The following IGDCC4 variants were observed in gnomAD, a reference collection of about 807,000 sequenced individuals.
The protein encoded by IGDCC4 is immunoglobulin superfamily DCC subclass member 4.
A neutral mutation model predicts 116.6 loss-of-function variants in IGDCC4; 72 were observed. That is an observed-to-expected ratio of 0.62 (90% confidence interval 0.51 to 0.75). The LOEUF (loss-of-function observed/expected upper bound fraction) is 0.75. Among genes scored for constraint, IGDCC4 ranks in the 30% least tolerant of loss-of-function variants. IGDCC4 has a pLI of 0.00. For synonymous variants in IGDCC4, 709 were observed against 719.9 expected, an observed-to-expected ratio of 0.98 and a Z score of 0.24; for missense variants, 1,501 against 1,662.4, an observed-to-expected ratio of 0.90 and a Z score of 1.69.
Position 65,402,503 on chromosome 15 carries a change from G to A in IGDCC4, c.564-16C>T, listed in dbSNP as rs2062997982. On this transcript the variant is annotated splice_polypyrimidine_tract_variant and intron_variant, in intron 3 of 19. Coordinates refer to ENST00000352385, the MANE Select transcript of IGDCC4 (RefSeq NM_020962.3). ...CACGATGAGCCTTGGGAAGAGGGGA[G>A]CAGGCAACTGTGAGGTGGGCAGGGG... 1.3e-6 allele frequency: 2 copies of A among 1,563,046 alleles called. No homozygotes were observed. Among genetic ancestry groups the A allele is most frequent in the Admixed American group, 1.9e-5 (1 of 51,662 alleles).
At position 65,383,095 on chromosome 15, in the gene IGDCC4, G is replaced by A. The variant is rs2091416558; in HGVS notation, c.*914C>T. The A allele has an allele frequency of 6.5e-6, 1 of 153,004 alleles. No homozygotes were observed. Among genetic ancestry groups the A allele is most frequent in the South Asian group, 2.1e-4 (1 of 4,848 alleles). The allele number at this position is 153,004 out of a possible 1,614,324, so 9.5% of individuals were successfully genotyped here. A position where few individuals can be genotyped will look rare whatever the true frequency, so the allele number is the denominator to read the frequency against. ...GCACTGAGTGAAGAGGAGGCAGGAG[G>A]ATGGCAGGCGAGTGCGCGGCAGCCG... On this transcript the variant is annotated 3_prime_UTR_variant, in exon 20 of 20. Coordinates refer to ENST00000352385, the MANE Select transcript of IGDCC4 (RefSeq NM_020962.3).
chr15:65,404,880 G>A (rs1005767161), intron 3 of IGDCC4, among the ~76,000 whole-genome samples: 7 of 152,098 alleles, frequency 4.6e-5, no homozygotes, highest in Non-Finnish European at 1.0e-4. Context: ...GCAAAACCCA[G>A]TCTCTACAAA....
Position 65,395,136 on chromosome 15 carries a change from T to C in IGDCC4, c.1534A>G (p.Ser512Gly). ...ACCAGTGCTGGGGTGGAGGTGCGGC[T>C]GGCTCCCAGCTGGGAGTAGGCCACC... ...YVVAYSQLGA[S>G]RTSTPALVHT... is the part of the protein sequence containing the mutation. The change falls in exon 8 of 20, where the codon AGC becomes GGC. Residue 512 changes from serine to glycine, a missense_variant. Physicochemically the swap from Ser to Gly is moderately conservative, Grantham distance 56. This residue lies in a region of IGDCC4 where 898 missense variants were observed against 978.9 expected (regional missense o/e 0.92). Coordinates refer to ENST00000352385, the MANE Select transcript of IGDCC4 (RefSeq NM_020962.3). 1 of 1,613,558 alleles carries C rather than the reference T, an allele frequency of 6.2e-7. No homozygotes were observed.
At chr15:65,417,289 C>T (rs1404537384) in intron 1 of IGDCC4, among the ~76,000 whole-genome samples, 1 of 152,118 alleles carries the variant, frequency 6.6e-6, no homozygotes, top group Non-Finnish European at 1.5e-5. Context: ...GGGACAGTTG[C>T]CTGGGACACA....
intron 13 of IGDCC4, 41 bp downstream of exon 13, chr15:65,390,114 C>G: frequency 7.1e-7 from 1 of 1,399,740 alleles, no homozygotes; most frequent in Non-Finnish European, 9.8e-7. Context: ...CCCACCTATT[C>G]TTCCTCCCTT....
In IGDCC4 at chr15:65,384,131, G is replaced by T. The variant is rs1249694326; in HGVS notation, c.3631C>A (p.Pro1211Thr). ...PEAASASCSY[P>T]DLQPGEVLEE... The stretch of plus-strand genomic sequence containing the variant: ...AGCACCTCGCCTGGCTGGAGGTCCG[G>T]GTAGGAGCAGGAAGCACTGGCTGCC... Residue 1211 changes from proline (P) to threonine (T), a missense_variant, in exon 20 of 20, where the codon CCG becomes ACG. This residue lies in a region of IGDCC4 where 368 missense variants were observed against 355.6 expected (regional missense o/e 1.03). Transcript: ENST00000352385. This position sits in a 1 kb window ranked among gnomAD's most constrained non-coding sequence, Gnocchi z 4.9. The T allele has an allele frequency of 6.2e-7, 1 of 1,613,584 alleles. No individual in the cohort carries two copies. Among genetic ancestry groups the T allele is most frequent in the Admixed American group, 1.7e-5 (1 of 59,950 alleles).
In IGDCC4 at chr15:65,393,577, C is replaced by A; in HGVS notation, c.1715-46G>T. 3.9e-6 allele frequency: 6 copies of A among 1,549,914 alleles called. No individual in the cohort carries two copies. Among genetic ancestry groups the A allele is most frequent in the Non-Finnish European group, 5.2e-6 (6 of 1,142,910 alleles). ...GGCTGCTGGGTAGCCACCTGAGGAA[C>A]AGGATCCTAAACCCCCCTACATGGC... On this transcript the variant is annotated intron_variant, in intron 9 of 19. Coordinates refer to ENST00000352385, the MANE Select transcript of IGDCC4 (RefSeq NM_020962.3). This position sits in a 1 kb window ranked among gnomAD's most constrained non-coding sequence, Gnocchi z 4.6.
chr15:65,400,264 T>C (rs2062971217), intron 5 of IGDCC4, among the ~76,000 whole-genome samples: 1 of 152,222 alleles, frequency 6.6e-6, no homozygotes, highest in African/African-American at 2.4e-5. Flanking sequence ...GTGTTTTCTC[T>C]CCCTCACTAG....
Position 65,385,979 on chromosome 15 carries a change from C to A in IGDCC4, c.3032G>T (p.Ser1011Ile). Residue 1011 changes from serine to isoleucine, a missense_variant, in exon 18 of 20, where the codon AGC becomes ATC. Around this residue, in one of 3 missense-constraint regions of IGDCC4, gnomAD observed 368 missense variants for 355.6 expected, o/e 1.03. Coordinates refer to ENST00000352385, the MANE Select transcript of IGDCC4 (RefSeq NM_020962.3). The stretch of plus-strand genomic sequence containing the variant: ...CTCCAATTCATGGGCAGCTGGGGGG[C>A]TGGGGGGGCCAAGCCGAGCTCTGGA... ...LYSRARLGPP[S>I]PPAAHELESL... 6.6e-7 allele frequency: 1 copy of A among 1,520,426 alleles called. No homozygotes were observed. Among genetic ancestry groups the A allele is most frequent in the South Asian group, 1.2e-5 (1 of 84,584 alleles). The allele number at this position is 1,520,426 out of a possible 1,614,324, so 94.2% of individuals were successfully genotyped here.
intron 5 of IGDCC4, among the ~76,000 whole-genome samples, chr15:65,398,480 G>C (rs1156628282): frequency 1.5e-5 from 2 of 131,908 alleles, no homozygotes; most frequent in East Asian, 4.5e-4. Flanking sequence ...GTTGCAGTAA[G>C]CCAAGATCAC....
rs375500867 is a variant in IGDCC4 at position 65,411,117 on chromosome 15, G to A, written c.324C>T (p.Val108=). The part of the protein sequence containing the change: ...PLAPNGSDES[V]PEAVGVIEGN... Reference sequence around the variant, plus strand: ...CTTCAATGACCCCCACAGCCTCAGGGACTGACTCGTCACTGCCATTGGGTG... The same window carrying A: ...CTTCAATGACCCCCACAGCCTCAGGAACTGACTCGTCACTGCCATTGGGTG... The change falls in exon 2 of 20, where the codon GTC becomes GTT. Residue 108 remains valine (V), a synonymous_variant. Coordinates refer to ENST00000352385, the MANE Select transcript of IGDCC4 (RefSeq NM_020962.3). 2.4e-5 allele frequency: 38 copies of A among 1,614,062 alleles called. No individual in the cohort carries two copies. In the African/African-American group the frequency reaches 3.7e-4, roughly 16 times the overall value.
At chr15:65,414,325 C>T (rs1325932929) in intron 1 of IGDCC4, among the ~76,000 whole-genome samples, 2 of 152,220 alleles carry the variant, frequency 1.3e-5, no homozygotes, top group Non-Finnish European at 2.9e-5. Flanking sequence ...CTAGTCTCAG[C>T]AGTACTCGCG....
At chr15:65,390,427 C>A in intron 12 of IGDCC4, 89 bp from the exon 13 acceptor site, 1 of 1,055,984 alleles carries the variant, frequency 9.5e-7, no homozygotes, top group Non-Finnish European at 1.3e-6. Context: ...AAGGCTGTTT[C>A]TTTGACCCAC....
chr15:65,390,358 G>C lies in IGDCC4; in HGVS notation c.2225-20C>G. On this transcript the variant is annotated intron_variant, in intron 12 of 19. Transcript: ENST00000352385. ...GCATGTCTGAAAGGTGAAAACTAGA[G>C]TGTGAGGAAGGGAGGGAGGATACTC... is the stretch of plus-strand genomic sequence containing the variant. 6.4e-7 allele frequency: 1 copy of C among 1,560,362 alleles called. No individual in the cohort carries two copies. The highest frequency in any genetic ancestry group is 1.2e-5 in the South Asian group (1 of 85,688).
chr15:65,394,115 C>G (rs1339768676), intron 9 of IGDCC4, among the ~76,000 whole-genome samples: 2 of 152,198 alleles, frequency 1.3e-5, no homozygotes, highest in African/African-American at 4.8e-5. Context: ...ATCCTCCCAC[C>G]TCAGCCCCCC....
In IGDCC4 at chr15:65,390,172, C is replaced by A; in HGVS notation, c.2391G>T (p.Leu797=). Residue 797 remains leucine, a synonymous_variant, in exon 13 of 20, where the codon CTG becomes CTT. Coordinates refer to ENST00000352385, the MANE Select transcript of IGDCC4 (RefSeq NM_020962.3). The stretch of plus-strand genomic sequence containing the variant: ...GTCCCCACCTGGTGTAATAGGTGAC[C>A]AGGGAGGCATTCCTGAGCCCCCAGG... ...FSPWGLRNAS[L]VTYYTSSGED... The A allele has an allele frequency of 3.1e-6, 5 of 1,591,166 alleles. No homozygotes were observed. The highest frequency in any genetic ancestry group is 1.1e-5 in the South Asian group (1 of 89,310).
At chr15:65,410,532 C>T (rs1049705660) in intron 2 of IGDCC4, 2 of 595,880 alleles carry the variant, frequency 3.4e-6, no homozygotes, top group African/African-American at 3.7e-5. Context: ...GCCCCCCTGC[C>T]CAACATCATC....
rs762305750 is a variant in IGDCC4, at chr15:65,396,178, G to A, written c.998-15C>T. 2 of 1,498,588 alleles carry A rather than the reference G, an allele frequency of 1.3e-6. No homozygotes were observed. The highest frequency in any genetic ancestry group is 1.8e-6 in the Non-Finnish European group (2 of 1,129,474). The allele number at this position is 1,498,588 out of a possible 1,614,324, so 92.8% of individuals were successfully genotyped here. A position where few individuals can be genotyped will look rare whatever the true frequency, so the allele number is the denominator to read the frequency against. On this transcript the variant is annotated splice_polypyrimidine_tract_variant and intron_variant, in intron 6 of 19. Transcript: ENST00000352385. ...GGCGGGAGCCGCTAGGGGCGCGAGGGGCGACGCTGAGCGCGGGATCCCGCA... is the reference window on the plus strand; with the variant it reads ...GGCGGGAGCCGCTAGGGGCGCGAGGAGCGACGCTGAGCGCGGGATCCCGCA...
At chr15:65,401,239 A>G (rs2062983110) in intron 4 of IGDCC4, among the ~76,000 whole-genome samples, 1 of 152,202 alleles carries the variant, frequency 6.6e-6, no homozygotes, top group Non-Finnish European at 1.5e-5. Context: ...CCATCTAGGC[A>G]GAGGACTGTC....
Sources: gnomAD v4.1 joint callset for allele counts (sites outside exome capture counted in the v4.1 genomes callset) on GRCh38, gnomAD v4.1.1 for gene constraint, gnomAD v4.1.1 regional missense constraint, Gnocchi (gnomAD v3.1) non-coding constraint, MANE v1.5 for transcripts, NCBI Gene and HGNC (gene_info 2026-07-23, HGNC 2026-07-21) for gene names.